AGBL4: variants seen among roughly 807,000 people sequenced by gnomAD.
AGBL4 encodes cytosolic carboxypeptidase 6.
A neutral mutation model predicts 66.4 loss-of-function variants in AGBL4; 58 were observed. The observed-to-expected ratio is 0.87, with a 90% confidence interval of 0.71 to 1.09. The LOEUF is 1.09. AGBL4 is among the 50% of genes least tolerant of loss of function. AGBL4 has a pLI of 0.00. For missense variants in AGBL4, 579 were observed against 631.0 expected, an observed-to-expected ratio of 0.92 and a Z score of 0.88; for synonymous variants, 234 against 222.9, an observed-to-expected ratio of 1.05 and a Z score of -0.44.
At chr1:49,443,007 A>G (rs912318525) in intron 3 of AGBL4, among the ~76,000 whole-genome samples, 5 of 152,050 alleles carry the variant, frequency 3.3e-5, no homozygotes, top group African/African-American at 9.7e-5. Flanking sequence ...TATGATTTTA[A>G]TTTGCATTTT....
At chr1:49,810,876 G>A (rs1161911269) in intron 2 of AGBL4, among the ~76,000 whole-genome samples, 4 of 152,170 alleles carry the variant, frequency 2.6e-5, no homozygotes, top group African/African-American at 9.7e-5. Flanking sequence ...GTAGACACCT[G>A]AGGTAGCAAG....
intron 4 of AGBL4, among the ~76,000 whole-genome samples, chr1:49,190,116 CAGAGGCAAATGGGTATATGTACT>C (rs1457924748): frequency 6.6e-6 from 1 of 152,174 alleles, no homozygotes; most frequent in Non-Finnish European, 1.5e-5. Flanking sequence ...GAAGGGTTTT[CAGAGGCAAATGGGTATATGTACT>C]AGAGGCCAGA....
intron 2 of AGBL4, among the ~76,000 whole-genome samples, chr1:49,840,689 T>G (rs1463695800): frequency 6.6e-6 from 1 of 152,220 alleles, no homozygotes. Flanking sequence ...GCAGGCTTTA[T>G]TCCCAGGATG....
At chr1:49,142,312 C>T (rs931674874) in intron 4 of AGBL4, among the ~76,000 whole-genome samples, 18 of 152,070 alleles carry the variant, frequency 1.2e-4, no homozygotes, top group African/African-American at 4.3e-4. Flanking sequence ...CATTTCCTGT[C>T]TCCCTCCCCC....
intron 9 of AGBL4, among the ~76,000 whole-genome samples, chr1:48,617,713 G>C (rs910219260): frequency 6.6e-6 from 1 of 152,050 alleles, no homozygotes; most frequent in African/African-American, 2.4e-5. Flanking sequence ...GTGGCCTTCC[G>C]TCTGCCACTT....
intron 1 of AGBL4, among the ~76,000 whole-genome samples, chr1:49,954,732 C>T (rs1656451639): frequency 1.3e-5 from 2 of 151,926 alleles, no homozygotes; most frequent in African/African-American, 4.8e-5. Context: ...CTAGAAGATG[C>T]AATCCACTCA....
intron 3 of AGBL4, among the ~76,000 whole-genome samples, chr1:49,427,623 TC>T (rs1429089378): frequency 6.6e-6 from 1 of 152,162 alleles, no homozygotes; most frequent in African/African-American, 2.4e-5. Context: ...GTTCGTGGTC[TC>T]AGTTGACTTC....
chr1:49,866,042 G>A (rs1192189130), intron 1 of AGBL4: 1 of 243,328 alleles, frequency 4.1e-6, no homozygotes, highest in Non-Finnish European at 8.7e-6. Flanking sequence ...AAGTAAGACA[G>A]GGAGACAAGA....
At chr1:49,289,491 T>C (rs946348030) in intron 3 of AGBL4, among the ~76,000 whole-genome samples, 1 of 152,142 alleles carries the variant, frequency 6.6e-6, no homozygotes, top group South Asian at 2.1e-4. Flanking sequence ...GTATAAAAGA[T>C]GTACTGATTT....
intron 11 of AGBL4, among the ~76,000 whole-genome samples, chr1:48,560,396 C>T (rs569576513): frequency 6.6e-6 from 1 of 152,258 alleles, no homozygotes; most frequent in South Asian, 2.1e-4. Context: ...CAATAGGTTG[C>T]CTAGGAGAAG....
intron 3 of AGBL4, among the ~76,000 whole-genome samples, chr1:49,483,591 AAAATC>A (rs1557982991): frequency 6.6e-6 from 1 of 152,038 alleles, no homozygotes; most frequent in Non-Finnish European, 1.5e-5. Flanking sequence ...ACCACATACA[AAAATC>A]AAATCAAAGT....
intron 3 of AGBL4, among the ~76,000 whole-genome samples, chr1:49,459,665 G>T: frequency 6.6e-6 from 1 of 151,256 alleles, no homozygotes; most frequent in Non-Finnish European, 1.5e-5. Flanking sequence ...ATTTCATTTA[G>T]TTCTGCTCTG....
intron 4 of AGBL4, among the ~76,000 whole-genome samples, chr1:49,137,523 C>T (rs1408810096): frequency 1.3e-5 from 2 of 152,076 alleles, no homozygotes; most frequent in Admixed American, 6.6e-5. Flanking sequence ...ATGAATGATA[C>T]TCAGGTTAAT....
rs1480610534 is a variant in AGBL4 at position 49,850,160 on chromosome 1, C to T, written c.157+1236G>A. On this transcript the variant is annotated intron_variant, in intron 2 of 13. Transcript: ENST00000371839. ...AGAGGTAATCAAGTTAAAATAAGGT[C>T]ATTAAAGTAGTTCCCAATCCATTGT... Among the ~76,000 whole-genome samples the T allele has an allele frequency of 2.0e-5, 3 of 152,210 alleles. No individual in the cohort carries two copies. In the East Asian group the frequency reaches 5.8e-4, roughly 29 times the overall value.
At chr1:49,380,485 A>G (rs1161195817) in intron 3 of AGBL4, among the ~76,000 whole-genome samples, 1 of 152,068 alleles carries the variant, frequency 6.6e-6, no homozygotes, top group Non-Finnish European at 1.5e-5. Flanking sequence ...ACAGAATTGG[A>G]AAAAACTACT....
At chr1:49,593,232 C>T (rs140964443) in intron 3 of AGBL4, among the ~76,000 whole-genome samples, 14,387 of 151,998 alleles carry the variant, frequency 0.095, 941 homozygotes, top group Non-Finnish European at 0.15. Context: ...GGTGAAACCC[C>T]GTCTCAACTA....
intron 8 of AGBL4, among the ~76,000 whole-genome samples, chr1:48,635,625 C>T (rs989156721): frequency 3.9e-5 from 6 of 152,222 alleles, no homozygotes; most frequent in African/African-American, 1.4e-4. Context: ...TCAAGGCCTA[C>T]GTTTCCCCAG....
intron 5 of AGBL4, among the ~76,000 whole-genome samples, chr1:48,921,339 G>A (rs1268581389): frequency 6.6e-6 from 1 of 152,216 alleles, no homozygotes; most frequent in Non-Finnish European, 1.5e-5. Context: ...CACTGGAGAT[G>A]CAAATTCCTA....
At chr1:49,916,597 T>A (rs1381770738) in intron 1 of AGBL4, among the ~76,000 whole-genome samples, 1 of 152,118 alleles carries the variant, frequency 6.6e-6, no homozygotes, top group Non-Finnish European at 1.5e-5. Context: ...AAACACCAAA[T>A]CTACGTCTGA....
Sources: gnomAD v4.1 joint callset for allele counts (sites outside exome capture counted in the v4.1 genomes callset) on GRCh38, gnomAD v4.1.1 for gene constraint, MANE v1.5 for transcripts, NCBI Gene and HGNC (gene_info 2026-07-23, HGNC 2026-07-21) for gene names.